NALF1: variants seen among roughly 807,000 people sequenced by gnomAD.
NALF1 encodes the protein NALCN channel auxiliary factor 1.
A neutral mutation model predicts 48.4 loss-of-function variants in NALF1; 3 were observed. The observed-to-expected ratio is 0.06, with a 90% CI of 0.03 to 0.16. The LOEUF is 0.16. NALF1 is among the 10% of genes least tolerant of loss of function. The pLI, the probability that NALF1 is intolerant of heterozygous loss-of-function variation, is 1.00. For missense variants in NALF1, 526 were observed against 571.5 expected (o/e 0.92, Z 0.81); for synonymous variants, 262 against 245.7 (o/e 1.07, Z -0.62).
chr13:107,519,151 C>CAA (rs1180695078), intron 1 of NALF1, among the ~76,000 whole-genome samples: 5 of 151,898 alleles, frequency 3.3e-5, no homozygotes, highest in African/African-American at 1.2e-4. Flanking sequence ...CAATCAGTCA[C>CAA]AACTTACAGA....
rs1555330488 is a variant in NALF1 at position 107,866,335 on chromosome 13, GCCT to G, written c.259_261del (p.Arg87del). 5 of 1,609,876 alleles carry G rather than the reference GCCT, an allele frequency of 3.1e-6. No individual in the cohort carries two copies. The East Asian group carries it at 1.1e-4, about 36-fold the overall frequency. On this transcript the variant is annotated inframe_deletion, in exon 1 of 3. Transcript: ENST00000375915. This position sits in a 1 kb window ranked among gnomAD's most constrained non-coding sequence, Gnocchi z 4.4. ...CGCTGCTGCTGCTGCTGCTGCCGCTGCCTCTGCTGCTGCTGCTGCTGCTGCTGC... is the reference window on the plus strand; with the variant it reads ...CGCTGCTGCTGCTGCTGCTGCCGCTGCTGCTGCTGCTGCTGCTGCTGCTGC...
At chr13:107,539,876 G>C (rs768694354) in intron 1 of NALF1, among the ~76,000 whole-genome samples, 1 of 152,044 alleles carries the variant, frequency 6.6e-6, no homozygotes, top group Non-Finnish European at 1.5e-5. Flanking sequence ...AGTATGAAGT[G>C]CTGGTTTTGC....
chr13:107,855,091 C>G (rs1242986671), intron 1 of NALF1, among the ~76,000 whole-genome samples: 1 of 152,074 alleles, frequency 6.6e-6, no homozygotes, highest in Non-Finnish European at 1.5e-5. Flanking sequence ...TTTGCAGAGG[C>G]GTTTCGCTGA....
chr13:107,596,650 A>G (rs1461578369), intron 1 of NALF1, among the ~76,000 whole-genome samples: 1 of 152,068 alleles, frequency 6.6e-6, no homozygotes, highest in Non-Finnish European at 1.5e-5. Flanking sequence ...GGAGAGGAAC[A>G]TCACACACCG....
At chr13:107,490,305 A>G (rs1157488094) in intron 1 of NALF1, among the ~76,000 whole-genome samples, 2 of 152,202 alleles carry the variant, frequency 1.3e-5, no homozygotes, top group South Asian at 4.1e-4. Context: ...TCACAATAGC[A>G]AACACACAGA....
At chr13:107,588,457 A>C (rs900732853) in intron 1 of NALF1, among the ~76,000 whole-genome samples, 1 of 152,052 alleles carries the variant, frequency 6.6e-6, no homozygotes, top group Non-Finnish European at 1.5e-5. Flanking sequence ...TAACACAGAG[A>C]CCCCAAATAA....
At chr13:107,176,055 A>T (rs1878920604) in intron 2 of NALF1, among the ~76,000 whole-genome samples, 1 of 152,162 alleles carries the variant, frequency 6.6e-6, no homozygotes, top group Non-Finnish European at 1.5e-5. Flanking sequence ...CAAATTTCCT[A>T]GGAAAGCCTA....
intron 1 of NALF1, among the ~76,000 whole-genome samples, chr13:107,428,807 T>G (rs913232703): frequency 6.6e-6 from 1 of 152,324 alleles, no homozygotes; most frequent in Non-Finnish European, 1.5e-5. Context: ...ACTATGTATG[T>G]TATGCTTCAA....
intron 1 of NALF1, among the ~76,000 whole-genome samples, chr13:107,238,552 G>A (rs1374699366): frequency 6.6e-6 from 1 of 152,128 alleles, no homozygotes; most frequent in Non-Finnish European, 1.5e-5. Context: ...AAAATCTGTG[G>A]GAGCACATGC....
At chr13:107,629,111 G>A (rs1297524630) in intron 1 of NALF1, among the ~76,000 whole-genome samples, 1 of 152,084 alleles carries the variant, frequency 6.6e-6, no homozygotes, top group East Asian at 1.9e-4. Flanking sequence ...TAAGACTAAT[G>A]TGCACTAAAG....
chr13:107,687,730 C>T lies in NALF1; in HGVS notation c.915+177952G>A, dbSNP rs530522718. Among the ~76,000 whole-genome samples, 6 of 152,260 alleles carry T rather than the reference C, an allele frequency of 3.9e-5. No individual in the cohort carries two copies. In the South Asian group the frequency reaches 1.2e-3, roughly 32 times the overall value. ...CTATTTCAGTTTCTCAGATGAAATA[C>T]TCTGTATAAGTATCACCCACACAAC... On this transcript the variant is annotated intron_variant, in intron 1 of 2. Transcript: ENST00000375915.
intron 1 of NALF1, among the ~76,000 whole-genome samples, chr13:107,428,413 C>A (rs1884317046): frequency 6.6e-6 from 1 of 152,124 alleles, no homozygotes; most frequent in Non-Finnish European, 1.5e-5. Context: ...TATGGGAAAT[C>A]AGGAAATGTG....
chr13:107,695,047 C>A (rs1032475048), intron 1 of NALF1, among the ~76,000 whole-genome samples: 3 of 152,118 alleles, frequency 2.0e-5, no homozygotes, highest in African/African-American at 7.2e-5. Context: ...TCCACCTTGG[C>A]CTCCCAACAC....
chr13:107,615,684 T>G (rs1879360813), intron 1 of NALF1, among the ~76,000 whole-genome samples: 1 of 152,150 alleles, frequency 6.6e-6, no homozygotes, highest in Admixed American at 6.5e-5. Flanking sequence ...AAGGGTGGGG[T>G]GCACTGGTCC....
intron 1 of NALF1, among the ~76,000 whole-genome samples, chr13:107,512,272 T>C (rs1309226619): frequency 1.3e-5 from 2 of 152,116 alleles, no homozygotes; most frequent in Admixed American, 6.5e-5. Flanking sequence ...CACACACCTA[T>C]AGTCTCAGCT....
At chr13:107,788,520 T>A (rs916481059) in intron 1 of NALF1, 2 of 152,238 alleles carry the variant, frequency 1.3e-5, no homozygotes, top group Admixed American at 6.5e-5. Flanking sequence ...AATCTCTAGT[T>A]GAAATTTTGG....
chr13:107,314,485 A>G (rs756863788), intron 1 of NALF1, among the ~76,000 whole-genome samples: 2 of 151,896 alleles, frequency 1.3e-5, no homozygotes, highest in African/African-American at 2.4e-5. Context: ...AGAAAGATTT[A>G]TTTTCCTTTA....
intron 1 of NALF1, among the ~76,000 whole-genome samples, chr13:107,597,395 A>G (rs1414642978): frequency 3.3e-5 from 5 of 152,198 alleles, no homozygotes; most frequent in Admixed American, 6.5e-5. Flanking sequence ...GAATGTCTAC[A>G]GTAGGTTCTC....
At chr13:107,193,770 T>C (rs1209725271) in intron 2 of NALF1, among the ~76,000 whole-genome samples, 1 of 152,132 alleles carries the variant, frequency 6.6e-6, no homozygotes, top group African/African-American at 2.4e-5. Context: ...AATGAGGTGA[T>C]AGCTTCCTGC....
Sources: allele counts gnomAD v4.1 joint callset (sites outside exome capture counted in the v4.1 genomes callset), GRCh38; gene constraint gnomAD v4.1.1; non-coding constraint Gnocchi (gnomAD v3.1); transcripts MANE v1.5; gene names NCBI Gene and HGNC (gene_info 2026-07-23, HGNC 2026-07-21).